The following PKD2L1 variants were observed in gnomAD, a reference collection of about 807,000 sequenced individuals.
PKD2L1 encodes the protein polycystin 2 like 1, transient receptor potential cation channel.
A neutral mutation model predicts 93.0 loss-of-function variants in PKD2L1; 77 were observed. That is an observed-to-expected ratio of 0.83 (90% CI 0.69 to 1.00). The LOEUF (loss-of-function observed/expected upper bound fraction) is 1.00, where lower values mean the gene tolerates loss of function less well. PKD2L1 is among the 50% of genes least tolerant of loss of function. The pLI is 0.00. For synonymous variants in PKD2L1, 390 were observed against 388.0 expected (o/e 1.01, Z -0.06); for missense variants, 977 against 990.9 (o/e 0.99, Z 0.19).
chr10:100,298,579 C>G lies in PKD2L1; in HGVS notation c.714G>C (p.Gly238=). Reference sequence around the variant, plus strand: ...TCACTCACGCTGTGCCATTGAAGGGCCCAAAGGGGAGTTGTTCTTCTTTGT... The same window carrying G: ...TCACTCACGCTGTGCCATTGAAGGGGCCAAAGGGGAGTTGTTCTTCTTTGT... ...SPDKEEQLPF[G]PFNGTAWTYH... The change falls in exon 4 of 16, where the codon GGG becomes GGC. Residue 238 remains glycine (G), a synonymous_variant. Transcript: ENST00000318222. 1 of 1,614,104 alleles carries G rather than the reference C, an allele frequency of 6.2e-7. No individual in the cohort carries two copies. The highest frequency in any genetic ancestry group is 8.5e-7 in the Non-Finnish European group (1 of 1,179,998).
intron 2 of PKD2L1, among the ~76,000 whole-genome samples, chr10:100,304,925 T>G (rs1054395339): frequency 1.3e-5 from 2 of 152,200 alleles, no homozygotes; most frequent in Non-Finnish European, 2.9e-5. Context: ...AGTATAGACT[T>G]GGGCTCTGAG....
chr10:100,308,627 G>C (rs992118765), intron 2 of PKD2L1, among the ~76,000 whole-genome samples: 2 of 152,132 alleles, frequency 1.3e-5, no homozygotes, highest in African/African-American at 2.4e-5. Flanking sequence ...GAGCCACTGC[G>C]CCAGGCCCCA....
At position 100,294,942 on chromosome 10, in the gene PKD2L1, A is replaced by T. The variant is rs756469537; in HGVS notation, c.1538T>A (p.Ile513Asn). ...VENFSTFIKC[I>N]FTQFRIILGD... ...GGAGTGAAGGGGACAGGACACACAC[A>T]TGCACTTGATGAAAGTGCTAAAGTT... Residue 513 changes from isoleucine to asparagine, a missense_variant and splice_region_variant, in exon 8 of 16, where the codon ATT (isoleucine) becomes AAT (asparagine). By Grantham distance (149) the Ile-to-Asn change is moderately radical. Coordinates refer to ENST00000318222, the MANE Select transcript of PKD2L1 (RefSeq NM_016112.3). 1 of 1,611,270 alleles carries T rather than the reference A, an allele frequency of 6.2e-7. No homozygotes were observed. Among genetic ancestry groups the T allele is most frequent in the South Asian group, 1.1e-5 (1 of 90,828 alleles).
At position 100,318,726 on chromosome 10, in the gene PKD2L1, A is replaced by G. The variant is rs186345430; in HGVS notation, c.349+10485T>C. ...AGTAGAGATGGGGTTTCACCGTGTTAGCCAGGATGGTCTCGATCTACTAAC... is the reference window on the plus strand; with the variant it reads ...AGTAGAGATGGGGTTTCACCGTGTTGGCCAGGATGGTCTCGATCTACTAAC... On this transcript the variant is annotated intron_variant, in intron 2 of 15. Transcript: ENST00000318222. Among the ~76,000 whole-genome samples, 450 of 151,304 alleles carry G rather than the reference A, an allele frequency of 3.0e-3. 1 individual carries two copies. Among genetic ancestry groups the G allele is most frequent in the South Asian group, 6.1e-3 (29 of 4,786 alleles).
chr10:100,319,922 T>C (rs1849190471), intron 2 of PKD2L1, among the ~76,000 whole-genome samples: 2 of 152,116 alleles, frequency 1.3e-5, no homozygotes, highest in African/African-American at 4.8e-5. Flanking sequence ...GTTTCCTCCA[T>C]CAACAAAAGG....
chr10:100,313,291 A>G (rs1468162602), intron 2 of PKD2L1, among the ~76,000 whole-genome samples: 1 of 152,210 alleles, frequency 6.6e-6, no homozygotes, highest in Non-Finnish European at 1.5e-5. Context: ...GCTAGAAACC[A>G]AGGAAGCCTG....
In PKD2L1 at chr10:100,292,770, C is replaced by T. The variant is rs541479359; in HGVS notation, c.1880+178G>A. 2.0e-5 allele frequency among the ~76,000 whole-genome samples: 3 copies of T among 152,274 alleles called. No individual in the cohort carries two copies. In the South Asian group the frequency reaches 6.2e-4, roughly 32 times the overall value. On this transcript the variant is annotated intron_variant, in intron 11 of 15. Transcript: ENST00000318222. ...TAAACCACGGTCAGAGATTTTTAAA[C>T]CAAGGGCACAGTTCTGAAGGTCAGG...
At position 100,321,739 on chromosome 10, in the gene PKD2L1, GAAAGAAAGAAAGAAAGA is replaced by G. The variant is rs1564894465; in HGVS notation, c.349+7455_349+7471del. Among the ~76,000 whole-genome samples the G allele has an allele frequency of 1.9e-3, 18 of 9,416 alleles. 3 individuals are homozygous for G. Among genetic ancestry groups the G allele is most frequent in the Non-Finnish European group, 2.6e-3 (11 of 4,276 alleles). The allele number at this position is 9,416 out of a possible 152,430, so 6.2% of individuals were successfully genotyped here. A position where few individuals can be genotyped will look rare whatever the true frequency, so the allele number is the denominator to read the frequency against. The stretch of plus-strand genomic sequence containing the variant: ...AGAAAGAAAGAAAGAAAGAAAGAAA[GAAAGAAAGAAAGAAAGA>G]AGGGAGGGAGGGAGGGAGGGAGGGA... On this transcript the variant is annotated intron_variant, in intron 2 of 15. Transcript: ENST00000318222.
chr10:100,316,114 C>T (rs950821975), intron 2 of PKD2L1, among the ~76,000 whole-genome samples: 1 of 152,140 alleles, frequency 6.6e-6, no homozygotes, highest in Non-Finnish European at 1.5e-5. Flanking sequence ...TTCTATGTCA[C>T]TGTTTGTTTA....
In PKD2L1 at chr10:100,296,151, C is replaced by T. The variant is rs1267787753; in HGVS notation, c.1327G>A (p.Ala443Thr). Residue 443 changes from alanine to threonine, a missense_variant, in exon 7 of 16, where the codon GCT becomes ACT. Ala to Thr is a moderately conservative substitution (Grantham distance 58, BLOSUM62 0). Coordinates refer to ENST00000318222, the MANE Select transcript of PKD2L1 (RefSeq NM_016112.3). ...ATCCAGGCGAAGAAGAGGTTGACAG[C>T]ATTCATGTTGTTGTACTGTGTCTGC... is the stretch of plus-strand genomic sequence containing the variant. ...FWQTQYNNMN[A>T]VNLFFAWIKI... The T allele has an allele frequency of 3.7e-6, 6 of 1,610,750 alleles. No individual in the cohort carries two copies. The South Asian group carries it at 4.4e-5, about 12-fold the overall frequency.
chr10:100,319,781 A>G (rs908847193), intron 2 of PKD2L1, among the ~76,000 whole-genome samples: 6 of 152,264 alleles, frequency 3.9e-5, no homozygotes, highest in African/African-American at 1.4e-4. Context: ...CCCCAGCTCC[A>G]TGGTGACCAG....
In PKD2L1 at chr10:100,297,497, T is replaced by C; in HGVS notation, c.841A>G (p.Ser281Gly). 6.2e-7 allele frequency: 1 copy of C among 1,614,088 alleles called. No individual in the cohort carries two copies. Among genetic ancestry groups the C allele is most frequent in the Non-Finnish European group, 8.5e-7 (1 of 1,179,980 alleles). The stretch of plus-strand genomic sequence containing the variant: ...TGAAGGGCCCGGAGAGCCTCTGCAC[T>C]ACCCTGTCGGGATCCTGGAAGGTCC... Reference protein sequence around the residue: ...YLDLPGSRQGSAEALRALQEG... With the variant: ...YLDLPGSRQGGAEALRALQEG... The change falls in exon 5 of 16, where the codon AGT (serine) becomes GGT (glycine). Residue 281 changes from serine (S) to glycine (G), a missense_variant. Physicochemically the swap from Ser to Gly is moderately conservative, Grantham distance 56. Coordinates refer to ENST00000318222, the MANE Select transcript of PKD2L1 (RefSeq NM_016112.3).
intron 2 of PKD2L1, among the ~76,000 whole-genome samples, chr10:100,304,889 G>A (rs1464823522): frequency 6.6e-6 from 1 of 152,116 alleles, no homozygotes; most frequent in African/African-American, 2.4e-5. Flanking sequence ...ACAGATCTAG[G>A]TTCAAATCCC....
chr10:100,324,421 T>C (rs1476452728), intron 2 of PKD2L1, among the ~76,000 whole-genome samples: 1 of 152,224 alleles, frequency 6.6e-6, no homozygotes, highest in East Asian at 1.9e-4. Context: ...CCTCTGTGCT[T>C]TACCTATTCG....
intron 2 of PKD2L1, among the ~76,000 whole-genome samples, chr10:100,301,080 C>G (rs1293166549): frequency 6.6e-6 from 1 of 152,130 alleles, no homozygotes; most frequent in Non-Finnish European, 1.5e-5. Flanking sequence ...TTCCATGATG[C>G]CCCCTGAGCC....
At chr10:100,293,257 A>AC in intron 10 of PKD2L1, 24 bp downstream of exon 10, 1 of 1,558,672 alleles carries the variant, frequency 6.4e-7, no homozygotes, top group African/African-American at 1.4e-5. Context: ...GGAAATGTGT[A>AC]GCTCAAGGAG....
intron 14 of PKD2L1, 27 bp from the exon 15 acceptor site, chr10:100,289,083 A>G (rs370967297): frequency 1.1e-4 from 167 of 1,524,752 alleles, no homozygotes; most frequent in Middle Eastern, 6.9e-4. Context: ...GGGACAAATC[A>G]TTTGAAGAAA....
At chr10:100,313,335 T>C (rs1269260409) in intron 2 of PKD2L1, among the ~76,000 whole-genome samples, 1 of 152,174 alleles carries the variant, frequency 6.6e-6, no homozygotes, top group Non-Finnish European at 1.5e-5. Flanking sequence ...GTGCCCAAGC[T>C]GGAGTCTTTG....
intron 2 of PKD2L1, among the ~76,000 whole-genome samples, chr10:100,302,256 TACAC>T (rs56239118): frequency 4.8e-5 from 7 of 147,124 alleles, no homozygotes; most frequent in Middle Eastern, 3.5e-3. Context: ...CACACACGCA[TACAC>T]ACACACACAC....
Sources: gnomAD v4.1 joint callset for allele counts (sites outside exome capture counted in the v4.1 genomes callset) on GRCh38, gnomAD v4.1.1 for gene constraint, MANE v1.5 for transcripts, NCBI Gene and HGNC (gene_info 2026-07-23, HGNC 2026-07-21) for gene names.